Variants in EXOC6 observed in about 807,000 individuals in gnomAD.
EXOC6 encodes the protein exocyst complex component 6, also known as SEC15-like 1.
EXOC6 carries 60 observed loss-of-function variants against 112.5 expected under a neutral mutation model. The observed-to-expected ratio is 0.53, with a 90% CI of 0.43 to 0.66. The LOEUF is 0.66. EXOC6 is among the 30% of genes least tolerant of loss of function. The pLI is 0.00. For synonymous variants in EXOC6, 295 were observed against 308.0 expected (o/e 0.96, Z 0.44); for missense variants, 855 against 957.1 (o/e 0.89, Z 1.41).
intron 1 of EXOC6, among the ~76,000 whole-genome samples, chr10:92,870,156 G>A (rs901206182): frequency 6.6e-6 from 1 of 152,016 alleles, no homozygotes; most frequent in East Asian, 1.9e-4. Context: ...GTTTCACCAT[G>A]TTGGCCAGGT....
At chr10:93,013,415 G>A (rs1235534889) in intron 19 of EXOC6, among the ~76,000 whole-genome samples, 1 of 151,980 alleles carries the variant, frequency 6.6e-6, no homozygotes, top group East Asian at 1.9e-4. Context: ...AGACCAGCCT[G>A]GGCAACATGG....
intron 20 of EXOC6, among the ~76,000 whole-genome samples, chr10:93,042,677 T>TA (rs2134337936): frequency 6.6e-6 from 1 of 152,310 alleles, no homozygotes; most frequent in South Asian, 2.1e-4. Flanking sequence ...CTGTGAGAAA[T>TA]ACATTTGTAT....
rs139900103 is a variant in EXOC6, at chr10:92,944,015, G to A, written c.1310+3191G>A. Among the ~76,000 whole-genome samples, 5 of 152,216 alleles carry A rather than the reference G, an allele frequency of 3.3e-5. No homozygotes were observed. In the East Asian group the frequency reaches 7.7e-4, roughly 23 times the overall value. Reference sequence around the variant, plus strand: ...AGATTATGCAGTATTTGACTTCTGTGCCTAGCTTATGTCACTTAGCATAAT... The same window carrying A: ...AGATTATGCAGTATTTGACTTCTGTACCTAGCTTATGTCACTTAGCATAAT... On this transcript the variant is annotated intron_variant, in intron 13 of 21. Coordinates refer to ENST00000260762, the MANE Select transcript of EXOC6 (RefSeq NM_019053.6).
chr10:92,860,991 G>C (rs1270236784), intron 1 of EXOC6, among the ~76,000 whole-genome samples: 1 of 152,166 alleles, frequency 6.6e-6, no homozygotes, highest in Non-Finnish European at 1.5e-5. Context: ...CTCACTGCAG[G>C]AAGGCTCTTC....
upstream of EXOC6, among the ~76,000 whole-genome samples, chr10:92,829,945 C>A (rs1846446663): frequency 1.3e-5 from 2 of 152,108 alleles, no homozygotes. Context: ...CAGAAAGTTA[C>A]CCTATATGGT....
intron 19 of EXOC6, among the ~76,000 whole-genome samples, chr10:93,002,749 G>T (rs1349840210): frequency 6.6e-6 from 1 of 152,132 alleles, no homozygotes; most frequent in African/African-American, 2.4e-5. Flanking sequence ...TTGCTAGCAT[G>T]AAGAGTTAAT....
chr10:92,976,159 C>T (rs896237145), intron 18 of EXOC6, among the ~76,000 whole-genome samples: 4 of 152,098 alleles, frequency 2.6e-5, no homozygotes, highest in African/African-American at 7.2e-5. Flanking sequence ...GGCCACCACC[C>T]CGTCTGGGAG....
At chr10:92,912,096 GC>G (rs1261927243) in intron 6 of EXOC6, among the ~76,000 whole-genome samples, 1 of 150,828 alleles carries the variant, frequency 6.6e-6, no homozygotes, top group Non-Finnish European at 1.5e-5. Context: ...TTGTAAAGCA[GC>G]CCCCGCCTTT....
chr10:92,853,711 C>T (rs879923267), intron 1 of EXOC6, among the ~76,000 whole-genome samples: 1 of 152,136 alleles, frequency 6.6e-6, no homozygotes, highest in Admixed American at 6.5e-5. Flanking sequence ...TTGATCCATG[C>T]TTTGCACCAT....
chr10:92,942,915 AAGTAATAGTGG>A (rs1377797004), intron 13 of EXOC6, among the ~76,000 whole-genome samples: 1 of 152,204 alleles, frequency 6.6e-6, no homozygotes, highest in Non-Finnish European at 1.5e-5. Context: ...TTATCCTCCA[AAGTAATAGTGG>A]AGGAGAACAA....
intron 1 of EXOC6, among the ~76,000 whole-genome samples, chr10:92,879,089 T>G (rs539342951): frequency 1.1e-4 from 17 of 152,232 alleles, no homozygotes; most frequent in Non-Finnish European, 2.4e-4. Context: ...TGTTGTCTTT[T>G]CCAGGACTGC....
chr10:93,059,043 G>A lies in EXOC6; in HGVS notation c.*688G>A, dbSNP rs907409227. On this transcript the variant is annotated 3_prime_UTR_variant, in exon 22 of 22. Coordinates refer to ENST00000260762, the MANE Select transcript of EXOC6 (RefSeq NM_019053.6). ...ATTTCTAACTATATTGCTTGTAGGT[G>A]ACCCCATTCTGGATTTGTTTGGTTT... is the stretch of plus-strand genomic sequence containing the variant. The A allele has an allele frequency of 6.6e-6, 1 of 152,208 alleles. No homozygotes were observed. Among genetic ancestry groups the A allele is most frequent in the Non-Finnish European group, 1.5e-5 (1 of 68,054 alleles). 9.4% of individuals were successfully genotyped at this position (152,208 alleles called of 1,614,324 possible).
At chr10:92,945,550 A>C (rs1484498141) in intron 13 of EXOC6, among the ~76,000 whole-genome samples, 2 of 152,258 alleles carry the variant, frequency 1.3e-5, no homozygotes, top group African/African-American at 4.8e-5. Flanking sequence ...TTCTATAAAC[A>C]GATCATATTA....
At chr10:92,913,968 T>G (rs1203220179) in intron 6 of EXOC6, among the ~76,000 whole-genome samples, 1 of 152,336 alleles carries the variant, frequency 6.6e-6, no homozygotes. Context: ...AAATTTATAT[T>G]GGGTAAGTTA....
chr10:92,834,071 G>A (rs186437550), upstream of EXOC6, among the ~76,000 whole-genome samples: 576 of 152,220 alleles, frequency 3.8e-3, 4 homozygotes, highest in African/African-American at 0.013. Context: ...GCCTCCAGAA[G>A]CATTTGTATT....
intron 17 of EXOC6, among the ~76,000 whole-genome samples, chr10:92,963,234 G>A (rs1473332438): frequency 2.0e-5 from 3 of 152,192 alleles, no homozygotes; most frequent in South Asian, 2.1e-4. Context: ...GGGGAAAAAT[G>A]TAATTTCTTC....
chr10:92,936,194 G>T (rs1414671160), intron 12 of EXOC6, among the ~76,000 whole-genome samples: 1 of 152,186 alleles, frequency 6.6e-6, no homozygotes, highest in Non-Finnish European at 1.5e-5. Context: ...CTAGAAATTA[G>T]AAGATATAAA....
At chr10:92,934,582 T>C (rs1589860765) in intron 11 of EXOC6, 152 bp downstream of exon 11, 2 of 628,274 alleles carry the variant, frequency 3.2e-6, no homozygotes, top group South Asian at 7.3e-5. Context: ...GGCTTTTGTT[T>C]GGTAATATCA....
chr10:92,859,885 C>T (rs547423213), intron 1 of EXOC6, among the ~76,000 whole-genome samples: 4 of 151,006 alleles, frequency 2.6e-5, no homozygotes, highest in Non-Finnish European at 5.9e-5. Context: ...ACCTCCCAGG[C>T]ATCAATGTTG....
Sources: allele counts gnomAD v4.1 joint callset (sites outside exome capture counted in the v4.1 genomes callset), GRCh38; gene constraint gnomAD v4.1.1; transcripts MANE v1.5; gene names NCBI Gene and HGNC (gene_info 2026-07-23, HGNC 2026-07-21).